The following SEZ6 variants were observed in gnomAD, a reference collection of about 807,000 sequenced individuals.
SEZ6 encodes seizure related 6 homolog.
Under a neutral mutation model 101.0 loss-of-function variants are expected in SEZ6, and 53 were observed. The observed-to-expected ratio is 0.52, with a 90% CI of 0.42 to 0.66. SEZ6 has a LOEUF of 0.66. Among genes scored for constraint, SEZ6 ranks in the 30% least tolerant of loss-of-function variants. The pLI, the probability that SEZ6 is intolerant of heterozygous loss-of-function variation, is 0.00. For synonymous variants in SEZ6, 488 were observed against 512.2 expected, an observed-to-expected ratio of 0.95 and a Z score of 0.64; for missense variants, 1,102 against 1,289.4, an observed-to-expected ratio of 0.85 and a Z score of 2.23.
chr17:28,959,660 C>T lies in SEZ6; in HGVS notation c.1771+38G>A. The T allele has an allele frequency of 6.4e-7, 1 of 1,550,442 alleles. No homozygotes were observed. The highest frequency in any genetic ancestry group is 8.7e-7 in the Non-Finnish European group (1 of 1,148,124). ...TGCTATTCTCCTGGTATGACCCTGC[C>T]TTTTGCCCGGTAGGCCCATCCACTG... On this transcript the variant is annotated intron_variant, in intron 8 of 16. Transcript: ENST00000317338. This position sits in a 1 kb window ranked among gnomAD's most constrained non-coding sequence, Gnocchi z 4.4.
chr17:28,964,499 T>TTATC (rs2152684994), intron 4 of SEZ6, among the ~76,000 whole-genome samples: 1 of 152,346 alleles, frequency 6.6e-6, no homozygotes, highest in Non-Finnish European at 1.5e-5. Context: ...TGAGAAGAAA[T>TTATC]GATAGAGTAT....
At chr17:28,999,175 T>G (rs1258704618) in intron 1 of SEZ6, among the ~76,000 whole-genome samples, 2 of 152,074 alleles carry the variant, frequency 1.3e-5, no homozygotes, top group African/African-American at 4.8e-5. Flanking sequence ...CCATCTGGGC[T>G]GGGTGATCAG....
intron 5 of SEZ6, among the ~76,000 whole-genome samples, chr17:28,962,409 T>C (rs922124835): frequency 5.3e-5 from 8 of 152,180 alleles, no homozygotes; most frequent in Non-Finnish European, 1.2e-4. Flanking sequence ...CCCCGCTAGA[T>C]CCTCGAGGGC....
chr17:28,990,082 C>T (rs901232844), intron 1 of SEZ6, among the ~76,000 whole-genome samples: 20 of 151,942 alleles, frequency 1.3e-4, no homozygotes, highest in African/African-American at 4.8e-4. Context: ...CCTGCCCACA[C>T]ACACACAAAA....
chr17:28,994,809 G>A (rs1411701427), intron 1 of SEZ6, among the ~76,000 whole-genome samples: 1 of 152,252 alleles, frequency 6.6e-6, no homozygotes, highest in East Asian at 1.9e-4. Flanking sequence ...GCCTCCGGAT[G>A]GGCAGGGGTA....
chr17:28,967,856 C>T (rs2041093999), intron 4 of SEZ6, among the ~76,000 whole-genome samples: 1 of 152,198 alleles, frequency 6.6e-6, no homozygotes, highest in Non-Finnish European at 1.5e-5. Flanking sequence ...GAGCTTCCTC[C>T]TGTTGCCATG....
chr17:28,987,684 G>C (rs1193807710), intron 1 of SEZ6, among the ~76,000 whole-genome samples: 2 of 152,142 alleles, frequency 1.3e-5, no homozygotes, highest in Non-Finnish European at 2.9e-5. Flanking sequence ...GGGCTGGTAA[G>C]AGCTGCCATT....
intron 5 of SEZ6, 45 bp from the exon 6 acceptor site, chr17:28,961,018 C>A (rs767769552): frequency 6.3e-7 from 1 of 1,576,594 alleles, no homozygotes; most frequent in South Asian, 1.1e-5. Context: ...CTGCCTGAAC[C>A]CAGGCAGCCT....
chr17:29,001,795 C>T (rs1398282707), intron 1 of SEZ6, among the ~76,000 whole-genome samples: 2 of 152,216 alleles, frequency 1.3e-5, no homozygotes, highest in Non-Finnish European at 2.9e-5. Flanking sequence ...CCAGTGCTGG[C>T]AGCATAGTCT....
At position 28,981,808 on chromosome 17, in the gene SEZ6, G is replaced by C. The variant is rs981169854; in HGVS notation, c.287C>G (p.Pro96Arg). The C allele has an allele frequency of 6.2e-7, 1 of 1,613,942 alleles. No individual in the cohort carries two copies. Among genetic ancestry groups the C allele is most frequent in the Non-Finnish European group, 8.5e-7 (1 of 1,179,854 alleles). Reference protein sequence around the residue: ...EELRPALPFQPDPPAPFTPSP... With the variant: ...EELRPALPFQRDPPAPFTPSP... ...TGGGGTGAAGGGTGCAGGTGGGTCA[G>C]GCTGGAAGGGCAGTGCTGGCCTCAG... Residue 96 changes from proline to arginine, a missense_variant, in exon 2 of 17, where the codon CCT becomes CGT. This residue lies in a region of SEZ6 where 406 missense variants were observed against 418.6 expected (regional missense o/e 0.97). Transcript: ENST00000317338.
intron 1 of SEZ6, among the ~76,000 whole-genome samples, chr17:29,002,317 G>T (rs1440865497): frequency 1.3e-5 from 2 of 152,110 alleles, no homozygotes; most frequent in African/African-American, 4.8e-5. Context: ...CCATATTTAG[G>T]CAGGCATGGT....
Position 29,005,137 on chromosome 17 carries a change from G to A in SEZ6, c.55+678C>T, listed in dbSNP as rs2041669702. Among the ~76,000 whole-genome samples, 4 of 151,688 alleles carry A rather than the reference G, an allele frequency of 2.6e-5. No individual in the cohort carries two copies. In the South Asian group the frequency reaches 8.4e-4, roughly 32 times the overall value. On this transcript the variant is annotated intron_variant, in intron 1 of 16. Coordinates refer to ENST00000317338, the MANE Select transcript of SEZ6 (RefSeq NM_178860.5). This position sits in a 1 kb window ranked among gnomAD's most constrained non-coding sequence, Gnocchi z 4.8. Reference sequence around the variant, plus strand: ...TGTGTGTACAAGGAAAGGACTTTGGGGAGGACAGAGTCTCTATCCCAGGAT... The same window carrying A: ...TGTGTGTACAAGGAAAGGACTTTGGAGAGGACAGAGTCTCTATCCCAGGAT...
intron 1 of SEZ6, among the ~76,000 whole-genome samples, chr17:28,984,838 C>T (rs559121238): frequency 6.6e-6 from 1 of 152,320 alleles, no homozygotes; most frequent in Admixed American, 6.5e-5. Flanking sequence ...GGGCTTCTCT[C>T]TGCCTGGGCT....
In SEZ6 at chr17:28,979,719, G is replaced by A; in HGVS notation, c.819C>T (p.Phe273=). 6.2e-7 allele frequency: 1 copy of A among 1,613,998 alleles called. No homozygotes were observed. The highest frequency in any genetic ancestry group is 8.5e-7 in the Non-Finnish European group (1 of 1,179,890). ...SPTDVGLDCF[F]YISVYPGYGV... Reference sequence around the variant, plus strand: ...CATAGCCAGGGTAGACAGAGATGTAGAAGAAGCAGTCCAGGCCAACATCAG... The same window carrying A: ...CATAGCCAGGGTAGACAGAGATGTAAAAGAAGCAGTCCAGGCCAACATCAG... Residue 273 remains phenylalanine, a synonymous_variant, in exon 3 of 17, where the codon TTC becomes TTT. Coordinates refer to ENST00000317338, the MANE Select transcript of SEZ6 (RefSeq NM_178860.5).
At chr17:28,964,275 G>A in intron 4 of SEZ6, 128 bp from the exon 5 acceptor site, 3 of 958,776 alleles carry the variant, frequency 3.1e-6, no homozygotes, top group Non-Finnish European at 4.6e-6. Flanking sequence ...AGCACTAGGA[G>A]TTCCAAAACA....
chr17:28,967,016 G>A (rs1302777929), intron 4 of SEZ6, among the ~76,000 whole-genome samples: 1 of 152,160 alleles, frequency 6.6e-6, no homozygotes, highest in Non-Finnish European at 1.5e-5. Flanking sequence ...TTCCCTACGT[G>A]CTGTGCCACC....
rs2041674337 is a variant in SEZ6, at chr17:29,005,427, G to A, written c.55+388C>T. ...GAAGCGGGACCACGGGCCGCCAGCT[G>A]GACCGTCCCGACTCACTGCCTTGCG... On this transcript the variant is annotated intron_variant, in intron 1 of 16. Transcript: ENST00000317338. The surrounding 1 kb of genome is among the most constrained non-coding windows in gnomAD (Gnocchi z 4.8). Among the ~76,000 whole-genome samples the A allele has an allele frequency of 1.3e-5, 2 of 152,164 alleles. No homozygotes were observed. The highest frequency in any genetic ancestry group is 4.1e-4 in the South Asian group (2 of 4,834).
chr17:28,969,490 G>A (rs67436963), intron 4 of SEZ6, among the ~76,000 whole-genome samples: 21,042 of 152,162 alleles, frequency 0.14, 1,551 homozygotes, highest in South Asian at 0.25. Flanking sequence ...GAATGAATGA[G>A]GGACAACGGG....
intron 1 of SEZ6, among the ~76,000 whole-genome samples, chr17:29,000,494 C>A (rs896343445): frequency 1.3e-5 from 2 of 152,208 alleles, no homozygotes; most frequent in Admixed American, 1.3e-4. Context: ...CAATATATAT[C>A]TATGGAATGA....
Sources: allele counts gnomAD v4.1 joint callset (sites outside exome capture counted in the v4.1 genomes callset), GRCh38; gene constraint gnomAD v4.1.1; regional missense constraint gnomAD v4.1.1; non-coding constraint Gnocchi (gnomAD v3.1); transcripts MANE v1.5; gene names NCBI Gene and HGNC (gene_info 2026-07-23, HGNC 2026-07-21).